The following GRID1 variants were observed in gnomAD, a reference collection of about 807,000 sequenced individuals.
The protein encoded by GRID1 is glutamate receptor ionotropic, delta-1.
A neutral mutation model predicts 98.0 loss-of-function variants in GRID1; 28 were observed. The ratio of observed to expected loss-of-function variants is 0.29; its 90% CI spans 0.21 to 0.39. GRID1 has a LOEUF of 0.39. Ranked by LOEUF, GRID1 falls within the 10% of genes least tolerant of loss-of-function variation. The pLI, the probability that GRID1 is intolerant of heterozygous loss-of-function variation, is 1.00. For synonymous variants in GRID1, 553 were observed against 538.5 expected, an observed-to-expected ratio of 1.03 and a Z score of -0.37; for missense variants, 1,111 against 1,340.5, an observed-to-expected ratio of 0.83 and a Z score of 2.67.
At chr10:86,079,695 G>T (rs1434312140) in intron 4 of GRID1, among the ~76,000 whole-genome samples, 4 of 152,096 alleles carry the variant, frequency 2.6e-5, no homozygotes. Flanking sequence ...CTCTGTCCAT[G>T]GTGATAAAAA....
At chr10:85,875,061 G>C (rs1843315544) in intron 5 of GRID1, among the ~76,000 whole-genome samples, 1 of 151,960 alleles carries the variant, frequency 6.6e-6, no homozygotes, top group African/African-American at 2.4e-5. Context: ...TGTATTTTTA[G>C]TAGAGACGGG....
At chr10:86,069,253 A>T (rs955800218) in intron 4 of GRID1, among the ~76,000 whole-genome samples, 2 of 152,076 alleles carry the variant, frequency 1.3e-5, no homozygotes, top group Non-Finnish European at 2.9e-5. Context: ...AGGGGAGGTG[A>T]TGTGAGCAGA....
chr10:85,655,869 C>T (rs1323734806), intron 12 of GRID1, among the ~76,000 whole-genome samples: 3 of 152,156 alleles, frequency 2.0e-5, no homozygotes, highest in Non-Finnish European at 1.5e-5. Context: ...GACATTCTTG[C>T]CTTCTCAAAG....
At chr10:86,018,916 A>T (rs1297192469) in intron 4 of GRID1, among the ~76,000 whole-genome samples, 1 of 152,196 alleles carries the variant, frequency 6.6e-6, no homozygotes, top group Non-Finnish European at 1.5e-5. Context: ...TCAAGAGAGG[A>T]TGCAAATTCC....
intron 8 of GRID1, among the ~76,000 whole-genome samples, chr10:85,751,971 T>C (rs1226071327): frequency 6.6e-6 from 1 of 152,150 alleles, no homozygotes; most frequent in Non-Finnish European, 1.5e-5. Flanking sequence ...CATCCCCATA[T>C]TTCTGCTAGT....
At chr10:86,338,665 C>A (rs1486484152) in intron 2 of GRID1, among the ~76,000 whole-genome samples, 1 of 152,186 alleles carries the variant, frequency 6.6e-6, no homozygotes, top group African/African-American at 2.4e-5. Flanking sequence ...TCAAACAGTT[C>A]TCCTGCCTCA....
At chr10:85,875,081 T>C (rs1843315763) in intron 5 of GRID1, among the ~76,000 whole-genome samples, 1 of 152,148 alleles carries the variant, frequency 6.6e-6, no homozygotes, top group Non-Finnish European at 1.5e-5. Flanking sequence ...GGTTTCACCA[T>C]GTTGGTCAGG....
rs150054721 is a variant in GRID1 at position 85,663,185 on chromosome 10, T to C, written c.1998-15788A>G. On this transcript the variant is annotated intron_variant, in intron 12 of 15. Coordinates refer to ENST00000327946, the MANE Select transcript of GRID1 (RefSeq NM_017551.3). Reference sequence around the variant, plus strand: ...CTAGTACCTATAAATTTGATCTCACTTGGGGAGTCCTTATCAGAGGTCATC... The same window carrying C: ...CTAGTACCTATAAATTTGATCTCACCTGGGGAGTCCTTATCAGAGGTCATC... Among the ~76,000 whole-genome samples, 9 of 152,292 alleles carry C rather than the reference T, an allele frequency of 5.9e-5. No homozygotes were observed. In the East Asian group the frequency reaches 9.7e-4, roughly 16 times the overall value.
intron 12 of GRID1, among the ~76,000 whole-genome samples, chr10:85,706,941 C>T (rs964139314): frequency 6.6e-6 from 1 of 152,166 alleles, no homozygotes; most frequent in East Asian, 1.9e-4. Flanking sequence ...CCCTTCCTTA[C>T]ACCTTATACT....
At chr10:85,752,703 A>T (rs1466278884) in intron 8 of GRID1, among the ~76,000 whole-genome samples, 1 of 152,176 alleles carries the variant, frequency 6.6e-6, no homozygotes, top group African/African-American at 2.4e-5. Flanking sequence ...TATTTTTTCT[A>T]CCTCATAATA....
intron 13 of GRID1, among the ~76,000 whole-genome samples, chr10:85,641,118 G>T (rs78480891): frequency 6.6e-6 from 1 of 152,180 alleles, no homozygotes. Flanking sequence ...TTATGGAAAG[G>T]CTTAATCAAC....
At chr10:86,122,827 GACGTGTGAGCAC>G (rs1278584380) in intron 4 of GRID1, among the ~76,000 whole-genome samples, 1 of 152,212 alleles carries the variant, frequency 6.6e-6, no homozygotes, top group Non-Finnish European at 1.5e-5. Flanking sequence ...GGCCACCCCT[GACGTGTGAGCAC>G]ACATGAGGGA....
At chr10:85,739,805 TA>T (rs1841922803) in intron 8 of GRID1, among the ~76,000 whole-genome samples, 1 of 152,132 alleles carries the variant, frequency 6.6e-6, no homozygotes, top group African/African-American at 2.4e-5. Flanking sequence ...ATAGATTACA[TA>T]ACATTATATA....
intron 4 of GRID1, among the ~76,000 whole-genome samples, chr10:86,076,245 A>C (rs1843878801): frequency 1.3e-5 from 2 of 152,248 alleles, no homozygotes; most frequent in African/African-American, 4.8e-5. Flanking sequence ...CCATGATTTC[A>C]AGAAAATTAT....
chr10:85,810,079 GGCC>G lies in GRID1; in HGVS notation c.1233+44414_1233+44416del, dbSNP rs1276972257. 4.6e-4 allele frequency among the ~76,000 whole-genome samples: 70 copies of G among 151,386 alleles called. 1 individual carries two copies. Among genetic ancestry groups the G allele is most frequent in the African/African-American group, 1.7e-3 (68 of 41,076 alleles). ...CTACTGGAGTGTGCTCTGCCCTGGG[GGCC>G]AGTAGCAACTTTGGGCCTCCAACCA... On this transcript the variant is annotated intron_variant, in intron 8 of 15. Transcript: ENST00000327946.
chr10:86,221,103 A>G (rs2132029252), intron 2 of GRID1, among the ~76,000 whole-genome samples: 1 of 152,262 alleles, frequency 6.6e-6, no homozygotes, highest in Non-Finnish European at 1.5e-5. Context: ...TGGCCCTGGG[A>G]CGTTACCATC....
intron 5 of GRID1, among the ~76,000 whole-genome samples, chr10:85,881,618 T>C (rs1841024362): frequency 1.3e-5 from 2 of 152,144 alleles, no homozygotes; most frequent in South Asian, 4.1e-4. Flanking sequence ...TATACAAAAA[T>C]TAATTCAAGA....
At chr10:86,307,026 C>T (rs970806685) in intron 2 of GRID1, among the ~76,000 whole-genome samples, 7 of 152,054 alleles carry the variant, frequency 4.6e-5, no homozygotes, top group Admixed American at 1.3e-4. Context: ...CCTTGTGTCC[C>T]CAGATGATGA....
intron 4 of GRID1, among the ~76,000 whole-genome samples, chr10:85,918,898 T>A (rs1015417032): frequency 6.6e-6 from 1 of 152,212 alleles, no homozygotes; most frequent in Admixed American, 6.5e-5. Flanking sequence ...TGCACTGACA[T>A]TCTTCAGCAA....
Sources: allele counts gnomAD v4.1 joint callset (sites outside exome capture counted in the v4.1 genomes callset), GRCh38; gene constraint gnomAD v4.1.1; transcripts MANE v1.5; gene names NCBI Gene and HGNC (gene_info 2026-07-23, HGNC 2026-07-21).